The following KCNIP4 variants were observed in gnomAD, a reference collection of about 807,000 sequenced individuals.
KCNIP4 encodes Kv channel-interacting protein 4.
A neutral mutation model predicts 34.0 loss-of-function variants in KCNIP4; 12 were observed. The observed-to-expected ratio is 0.35, with a 90% CI of 0.23 to 0.57. KCNIP4 has a LOEUF of 0.57. KCNIP4 is among the 20% of genes least tolerant of loss of function. The pLI is 0.83. For synonymous variants in KCNIP4, 124 were observed against 102.2 expected (o/e 1.21, Z -1.29); for missense variants, 238 against 311.7 (o/e 0.76, Z 1.78).
intron 1 of KCNIP4, among the ~76,000 whole-genome samples, chr4:20,991,589 AG>A (rs1737088157): frequency 6.6e-6 from 1 of 152,184 alleles, no homozygotes; most frequent in African/African-American, 2.4e-5. Context: ...TGAATAAAAG[AG>A]GGCTCCAGGA....
chr4:21,703,456 C>T (rs1004129376), intron 1 of KCNIP4, among the ~76,000 whole-genome samples: 2 of 152,048 alleles, frequency 1.3e-5, no homozygotes, highest in African/African-American at 2.4e-5. Flanking sequence ...AGCAAACTAT[C>T]GCAAGGACAA....
chr4:21,159,018 C>T (rs1356646501), intron 1 of KCNIP4, among the ~76,000 whole-genome samples: 3 of 152,030 alleles, frequency 2.0e-5, no homozygotes, highest in South Asian at 2.1e-4. Context: ...GTAAAGTTAT[C>T]AATTTTCCCC....
intron 1 of KCNIP4, among the ~76,000 whole-genome samples, chr4:20,929,729 T>C (rs748660938): frequency 6.6e-6 from 1 of 152,014 alleles, no homozygotes; most frequent in Non-Finnish European, 1.5e-5. Context: ...AGCATTTTTA[T>C]ACACTAATAA....
At chr4:21,432,494 A>C (rs757758015) in intron 1 of KCNIP4, among the ~76,000 whole-genome samples, 4 of 152,134 alleles carry the variant, frequency 2.6e-5, no homozygotes, top group Non-Finnish European at 5.9e-5. Flanking sequence ...GATGTTCAAC[A>C]GTCCTAATGA....
chr4:21,107,507 T>C (rs1748681395), intron 1 of KCNIP4, among the ~76,000 whole-genome samples: 1 of 150,916 alleles, frequency 6.6e-6, no homozygotes, highest in South Asian at 2.1e-4. Context: ...GCACATGAGA[T>C]GGGTTTCCTG....
At chr4:21,262,336 A>G (rs761010324) in intron 1 of KCNIP4, among the ~76,000 whole-genome samples, 1 of 152,070 alleles carries the variant, frequency 6.6e-6, no homozygotes, top group South Asian at 2.1e-4. Flanking sequence ...TTCACTCCCA[A>G]CTGCCAGCAT....
chr4:21,438,752 C>T (rs921975121), intron 1 of KCNIP4, among the ~76,000 whole-genome samples: 2 of 152,024 alleles, frequency 1.3e-5, no homozygotes, highest in African/African-American at 4.8e-5. Flanking sequence ...TTAACATATG[C>T]TCATTTAAAT....
At chr4:21,832,696 C>A (rs1723065840) in intron 1 of KCNIP4, among the ~76,000 whole-genome samples, 1 of 147,158 alleles carries the variant, frequency 6.8e-6, no homozygotes, top group Admixed American at 6.8e-5. Flanking sequence ...CCCACTAACT[C>A]GTCATCTAGC....
intron 3 of KCNIP4, among the ~76,000 whole-genome samples, chr4:20,761,982 G>T (rs1478699471): frequency 6.6e-6 from 1 of 152,130 alleles, no homozygotes; most frequent in Non-Finnish European, 1.5e-5. Context: ...CCAGTCAAAG[G>T]TCTTCCCATC....
chr4:20,979,380 C>A (rs1412444948), intron 1 of KCNIP4, among the ~76,000 whole-genome samples: 1 of 151,138 alleles, frequency 6.6e-6, no homozygotes, highest in Non-Finnish European at 1.5e-5. Flanking sequence ...TAACTAGTAT[C>A]TCTGCTTCCA....
At chr4:20,795,314 C>T (rs967702712) in intron 3 of KCNIP4, among the ~76,000 whole-genome samples, 4 of 152,152 alleles carry the variant, frequency 2.6e-5, no homozygotes, top group South Asian at 2.1e-4. Context: ...TCAGCAACCA[C>T]TTATATTTTG....
intron 1 of KCNIP4, among the ~76,000 whole-genome samples, chr4:21,242,819 A>G (rs907043785): frequency 6.6e-6 from 1 of 152,052 alleles, no homozygotes; most frequent in Non-Finnish European, 1.5e-5. Context: ...CTCAGCCTCT[A>G]TAATTACATG....
At position 20,906,943 on chromosome 4, in the gene KCNIP4, G is replaced by A. The variant is rs151039710; in HGVS notation, c.62-24234C>T. ...GGATTTGTAAGGTTTGGGGCATTGAGTTAAGTTTTAGAAACTCCATGAGAA... is the reference window on the plus strand; with the variant it reads ...GGATTTGTAAGGTTTGGGGCATTGAATTAAGTTTTAGAAACTCCATGAGAA... On this transcript the variant is annotated intron_variant, in intron 1 of 8. Coordinates refer to ENST00000382152, the MANE Select transcript of KCNIP4 (RefSeq NM_025221.6). Among the ~76,000 whole-genome samples the A allele has an allele frequency of 2.5e-4, 38 of 152,286 alleles. 1 individual carries two copies. In the East Asian group the frequency reaches 7.0e-3, roughly 28 times the overall value.
chr4:21,519,785 ATGTGTGTGTATACACG>A (rs1735347936), intron 1 of KCNIP4, among the ~76,000 whole-genome samples: 1 of 128,578 alleles, frequency 7.8e-6, no homozygotes, highest in African/African-American at 3.2e-5. Flanking sequence ...ACGTGTGTGT[ATGTGTGTGTATACACG>A]TGTGTGTATG....
At chr4:20,881,598 T>G (rs1296693237) in intron 2 of KCNIP4, among the ~76,000 whole-genome samples, 1 of 152,192 alleles carries the variant, frequency 6.6e-6, no homozygotes, top group Non-Finnish European at 1.5e-5. Context: ...CTTTATAAAA[T>G]AAGCTGAGGA....
At chr4:21,760,165 T>G (rs1717948370) in intron 1 of KCNIP4, among the ~76,000 whole-genome samples, 1 of 152,038 alleles carries the variant, frequency 6.6e-6, no homozygotes. Flanking sequence ...TTATCTCCCT[T>G]GCTACTCCTT....
At chr4:21,597,480 GT>G (rs771767827) in intron 1 of KCNIP4, among the ~76,000 whole-genome samples, 1 of 152,026 alleles carries the variant, frequency 6.6e-6, no homozygotes, top group Non-Finnish European at 1.5e-5. Context: ...CTAGAAAGAA[GT>G]TTCTTCCTGT....
At chr4:20,858,824 T>A (rs1039733488) in intron 2 of KCNIP4, among the ~76,000 whole-genome samples, 3 of 152,190 alleles carry the variant, frequency 2.0e-5, no homozygotes, top group Non-Finnish European at 4.4e-5. Context: ...GATAGCTACA[T>A]TTTACAAGAA....
intron 1 of KCNIP4, among the ~76,000 whole-genome samples, chr4:21,388,676 C>A (rs151093880): frequency 6.6e-6 from 1 of 152,218 alleles, no homozygotes; most frequent in African/African-American, 2.4e-5. Flanking sequence ...CCACTTTTCC[C>A]CAACACTCCA....
Sources: gnomAD v4.1 joint callset for allele counts (sites outside exome capture counted in the v4.1 genomes callset) on GRCh38, gnomAD v4.1.1 for gene constraint, MANE v1.5 for transcripts, NCBI Gene and HGNC (gene_info 2026-07-23, HGNC 2026-07-21) for gene names.